The following G3BP2 variants were observed in gnomAD, a reference collection of about 807,000 sequenced individuals.
G3BP2 encodes the protein G3BP stress granule assembly factor 2.
Under a neutral mutation model 56.7 loss-of-function variants are expected in G3BP2, and 11 were observed. That is an observed-to-expected ratio of 0.19 (90% CI 0.12 to 0.32). G3BP2 has a LOEUF of 0.32. G3BP2 is among the 10% of genes least tolerant of loss of function. G3BP2 has a pLI of 1.00. For missense variants in G3BP2, 340 were observed against 610.9 expected, an observed-to-expected ratio of 0.56 and a Z score of 4.67; for synonymous variants, 165 against 191.6, an observed-to-expected ratio of 0.86 and a Z score of 1.15.
At chr4:75,699,921 A>C (rs1719273120) in intron 3 of G3BP2, among the ~76,000 whole-genome samples, 1 of 136,044 alleles carries the variant, frequency 7.4e-6, no homozygotes, top group Admixed American at 8.1e-5. Context: ...TACTGTTAGC[A>C]CTTCTGTTTC....
intron 3 of G3BP2, among the ~76,000 whole-genome samples, chr4:75,684,494 A>C (rs1718491111): frequency 6.6e-6 from 1 of 152,074 alleles, no homozygotes; most frequent in Non-Finnish European, 1.5e-5. Flanking sequence ...TTTAAAGTAA[A>C]TGTATTTATT....
intron 1 of G3BP2, among the ~76,000 whole-genome samples, chr4:75,668,362 A>G (rs1302062463): frequency 6.6e-6 from 1 of 152,220 alleles, no homozygotes; most frequent in East Asian, 1.9e-4. Flanking sequence ...TACCATTTAA[A>G]GTTCAGTGAA....
At chr4:75,693,548 T>C (rs1718962595) in intron 3 of G3BP2, among the ~76,000 whole-genome samples, 1 of 152,028 alleles carries the variant, frequency 6.6e-6, no homozygotes, top group African/African-American at 2.4e-5. Flanking sequence ...CCCAGCACTT[T>C]GGGAGGCCAA....
At chr4:75,708,672 T>C (rs1719641272) in intron 3 of G3BP2, among the ~76,000 whole-genome samples, 2 of 152,166 alleles carry the variant, frequency 1.3e-5, no homozygotes, top group Admixed American at 1.3e-4. Flanking sequence ...ATCTTCTCCA[T>C]TAAGTTACAA....
intron 3 of G3BP2, among the ~76,000 whole-genome samples, chr4:75,702,613 A>G (rs542644516): frequency 6.6e-6 from 1 of 152,348 alleles, no homozygotes; most frequent in African/African-American, 2.4e-5. Flanking sequence ...GTTTTTCTAT[A>G]CAGGTGCAAC....
rs1731036726 is a variant in G3BP2 at position 75,643,784 on chromosome 4, G to A, written c.*1646C>T. The stretch of plus-strand genomic sequence containing the variant: ...CTTCCATGCTAACGAGCAGCTTTAA[G>A]TGGTCACACTTATTTACCCCACTCC... On this transcript the variant is annotated 3_prime_UTR_variant, in exon 12 of 12. Coordinates refer to ENST00000359707, the MANE Select transcript of G3BP2 (RefSeq NM_203505.3). 1 of 152,594 alleles carries A rather than the reference G, an allele frequency of 6.6e-6. No individual in the cohort carries two copies. The highest frequency in any genetic ancestry group is 2.1e-4 in the South Asian group (1 of 4,832). 9.5% of individuals were successfully genotyped at this position (152,594 alleles called of 1,614,324 possible).
rs140373722 is a variant in G3BP2, at chr4:75,712,168, G to A, written c.-25+8709C>T. Among the ~76,000 whole-genome samples the A allele has an allele frequency of 7.0e-4, 107 of 151,980 alleles. 1 individual carries two copies. In the East Asian group the frequency reaches 0.019, roughly 27 times the overall value. Reference sequence around the variant, plus strand: ...CATATTGTATCCCATAAATATGTACGATTATGTGCCAATTTAAACAATTTT... The same window carrying A: ...CATATTGTATCCCATAAATATGTACAATTATGTGCCAATTTAAACAATTTT... On this transcript the variant is annotated intron_variant, in intron 3 of 3. Transcript: ENST00000499709.
At chr4:75,652,538 C>T (rs1219165320) in intron 8 of G3BP2, among the ~76,000 whole-genome samples, 2 of 152,166 alleles carry the variant, frequency 1.3e-5, no homozygotes, top group Non-Finnish European at 2.9e-5. Context: ...AGGAGAATCA[C>T]TTGAGCTGGG....
chr4:75,662,817 A>G (rs779320569), intron 1 of G3BP2, among the ~76,000 whole-genome samples: 1 of 152,146 alleles, frequency 6.6e-6, no homozygotes, highest in African/African-American at 2.4e-5. Context: ...AATCTACTAC[A>G]TTCCTGGATT....
At chr4:75,662,729 A>T (rs764463058) in intron 1 of G3BP2, among the ~76,000 whole-genome samples, 8 of 151,962 alleles carry the variant, frequency 5.3e-5, no homozygotes, top group Non-Finnish European at 1.0e-4. Context: ...TCAATTTCTT[A>T]TCCCCAGGAG....
At chr4:75,704,092 C>T (rs1157011163) in intron 3 of G3BP2, among the ~76,000 whole-genome samples, 1 of 150,044 alleles carries the variant, frequency 6.7e-6, no homozygotes, top group Non-Finnish European at 1.5e-5. Flanking sequence ...GGTCTTGGCT[C>T]ACTGCAACCT....
chr4:75,692,696 A>G (rs568093293), intron 3 of G3BP2, among the ~76,000 whole-genome samples: 3 of 152,172 alleles, frequency 2.0e-5, no homozygotes, highest in African/African-American at 2.4e-5. Flanking sequence ...CAGGCTTTGC[A>G]TTGTATCTTT....
At chr4:75,704,839 G>C (rs1719483331) in intron 3 of G3BP2, among the ~76,000 whole-genome samples, 1 of 151,394 alleles carries the variant, frequency 6.6e-6, no homozygotes, top group African/African-American at 2.4e-5. Context: ...TGCCGTGTTG[G>C]CCAGGCTGGT....
chr4:75,676,266 T>TATTC (rs1204234228), upstream of G3BP2, among the ~76,000 whole-genome samples: 4 of 151,982 alleles, frequency 2.6e-5, no homozygotes, highest in East Asian at 7.7e-4. Context: ...GTGTGAACGG[T>TATTC]ATTCATTCGG....
intron 1 of G3BP2, among the ~76,000 whole-genome samples, chr4:75,662,872 G>C (rs1732679318): frequency 1.3e-5 from 2 of 152,178 alleles, no homozygotes; most frequent in Admixed American, 6.5e-5. Flanking sequence ...CCCAAGTTAA[G>C]ACTCAGAGAT....
At chr4:75,653,274 T>C (rs1213499916) in intron 8 of G3BP2, among the ~76,000 whole-genome samples, 1 of 152,168 alleles carries the variant, frequency 6.6e-6, no homozygotes, top group East Asian at 1.9e-4. Flanking sequence ...TCTAGTGGAA[T>C]GAAGTTTAAT....
At chr4:75,710,823 G>A (rs1719725906) in intron 3 of G3BP2, among the ~76,000 whole-genome samples, 1 of 151,716 alleles carries the variant, frequency 6.6e-6, no homozygotes, top group Admixed American at 6.6e-5. Flanking sequence ...CACACCACTA[G>A]GCCTGGATAA....
intron 2 of G3BP2, chr4:75,661,648 C>G: frequency 4.6e-6 from 1 of 218,032 alleles, no homozygotes; most frequent in Non-Finnish European, 9.2e-6. Flanking sequence ...ACAGAGGAGA[C>G]CATGACTCTA....
chr4:75,684,059 C>T (rs569674162), intron 3 of G3BP2, among the ~76,000 whole-genome samples: 10 of 152,006 alleles, frequency 6.6e-5, no homozygotes, highest in South Asian at 2.1e-4. Context: ...GTTATTATTC[C>T]TTGGGTGCCA....
Sources: allele counts gnomAD v4.1 joint callset (sites outside exome capture counted in the v4.1 genomes callset), GRCh38; gene constraint gnomAD v4.1.1; transcripts MANE v1.5; gene names NCBI Gene and HGNC (gene_info 2026-07-23, HGNC 2026-07-21).